Variants in CRACD observed in about 807,000 individuals in gnomAD.
The protein encoded by CRACD is capping protein-inhibiting regulator of actin dynamics.
A neutral mutation model predicts 106.8 loss-of-function variants in CRACD; 56 were observed. The observed-to-expected ratio is 0.52, with a 90% confidence interval of 0.42 to 0.66. The LOEUF is 0.66. CRACD is among the 30% of genes least tolerant of loss of function. CRACD has a pLI of 0.00. For synonymous variants in CRACD, 754 were observed against 670.8 expected, an observed-to-expected ratio of 1.12 and a Z score of -1.92; for missense variants, 1,730 against 1,623.2, an observed-to-expected ratio of 1.07 and a Z score of -1.13.
intron 4 of CRACD, 24 bp from the exon 5 acceptor site, chr4:56,307,511 T>A: frequency 6.2e-7 from 1 of 1,612,960 alleles, no homozygotes; most frequent in Non-Finnish European, 8.5e-7. Flanking sequence ...TGCTTCAGAA[T>A]GTCTTTCTTC....
At chr4:56,216,708 C>T (rs56681368) in intron 2 of CRACD, among the ~76,000 whole-genome samples, 49 of 152,184 alleles carry the variant, frequency 3.2e-4, no homozygotes, top group Middle Eastern at 6.8e-3. Flanking sequence ...AGGCCGGGCG[C>T]GGTGGCTCAC....
intron 1 of CRACD, among the ~76,000 whole-genome samples, chr4:56,119,954 A>G (rs769801621): frequency 1.3e-5 from 2 of 152,060 alleles, no homozygotes; most frequent in East Asian, 1.9e-4. Context: ...CCACCATCCC[A>G]TAGCTGACTC....
At chr4:56,240,294 G>A (rs577733400) in intron 2 of CRACD, among the ~76,000 whole-genome samples, 129 of 152,260 alleles carry the variant, frequency 8.5e-4, no homozygotes, top group Non-Finnish European at 1.4e-3. Context: ...TGGAGGTTAG[G>A]TAGGGGGATT....
intron 1 of CRACD, among the ~76,000 whole-genome samples, chr4:56,147,055 G>A (rs939668941): frequency 1.3e-5 from 2 of 152,106 alleles, no homozygotes; most frequent in Non-Finnish European, 2.9e-5. Context: ...TTGCCCATCC[G>A]GAGGTCCAAT....
intron 1 of CRACD, among the ~76,000 whole-genome samples, chr4:56,145,826 G>C (rs1735359495): frequency 6.6e-6 from 1 of 151,974 alleles, no homozygotes. Flanking sequence ...ATTTTGCCAT[G>C]TTGCCTAGGC....
intron 1 of CRACD, among the ~76,000 whole-genome samples, chr4:56,177,100 A>G (rs181861929): frequency 4.6e-4 from 70 of 152,320 alleles, no homozygotes; most frequent in Non-Finnish European, 8.2e-4. Context: ...ACTATGTTGA[A>G]TAAAAGTGGT....
rs527665539 is a variant in CRACD at position 56,261,358 on chromosome 4, C to CTTTTTTTTTTTTTTTTTTTTTTT, written c.-188-10961_-188-10960insTTTTTTTTTTTTTTTTTTTTTTT. On this transcript the variant is annotated intron_variant, in intron 2 of 10. Transcript: ENST00000682029. ...TCCGCCTCTGTTACTGCTTCTTCTT[C>CTTTTTTTTTTTTTTTTTTTTTTT]TTCTTTTTTTTTTTTTTGAGACAGA... 1.8e-5 allele frequency among the ~76,000 whole-genome samples: 2 copies of CTTTTTTTTTTTTTTTTTTTTTTT among 112,742 alleles called. 1 individual carries two copies. The allele number at this position is 112,742 out of a possible 152,430, so 74.0% of individuals were successfully genotyped here.
intron 1 of CRACD, among the ~76,000 whole-genome samples, chr4:56,065,409 C>T (rs1398402164): frequency 1.3e-5 from 2 of 152,144 alleles, no homozygotes; most frequent in African/African-American, 4.8e-5. Flanking sequence ...TATGATCACT[C>T]AGGGACTGTT....
At chr4:56,304,794 A>G (rs1744583483) in intron 4 of CRACD, among the ~76,000 whole-genome samples, 1 of 152,104 alleles carries the variant, frequency 6.6e-6, no homozygotes, top group African/African-American at 2.4e-5. Context: ...AAAAAATAAA[A>G]TTTAATTTAA....
At chr4:56,094,889 C>T (rs1733545579) in intron 1 of CRACD, among the ~76,000 whole-genome samples, 1 of 152,186 alleles carries the variant, frequency 6.6e-6, no homozygotes, top group Non-Finnish European at 1.5e-5. Flanking sequence ...CATCCATACA[C>T]TTACCACCTA....
rs1301101438 is a variant in CRACD, at chr4:56,323,411, T to C, written c.3222T>C (p.Asp1074=). ...TGCTTCAGAGCAGACACTCCTTAGA[T>C]GGCTCCAAACTTACAGAGAAAGTGG... ...KPMLQSRHSL[D]GSKLTEKVET... Residue 1074 remains aspartate, a synonymous_variant, in exon 9 of 11, where the codon GAT becomes GAC. Transcript: ENST00000682029. The C allele has an allele frequency of 1.2e-6, 2 of 1,610,856 alleles. No individual in the cohort carries two copies. Among genetic ancestry groups the C allele is most frequent in the African/African-American group, 2.7e-5 (2 of 74,594 alleles).
At chr4:56,241,179 G>C (rs987245467) in intron 2 of CRACD, among the ~76,000 whole-genome samples, 1 of 152,168 alleles carries the variant, frequency 6.6e-6, no homozygotes, top group South Asian at 2.1e-4. Flanking sequence ...ATTCAGTACA[G>C]GGCTTGTGTG....
intron 4 of CRACD, among the ~76,000 whole-genome samples, chr4:56,306,137 T>G (rs1406899596): frequency 1.3e-5 from 2 of 151,840 alleles, no homozygotes; most frequent in African/African-American, 2.4e-5. Flanking sequence ...AAGTGAGGGG[T>G]TTGGAGTAGG....
At chr4:56,259,223 C>A (rs28432678) in intron 2 of CRACD, among the ~76,000 whole-genome samples, 22,543 of 151,998 alleles carry the variant, frequency 0.15, 2,870 homozygotes, top group African/African-American at 0.35. Context: ...TGACTCACTT[C>A]ATCTACCGGA....
In CRACD at chr4:56,314,711, A is replaced by AGAG. The variant is rs778641457; in HGVS notation, c.1220_1222dup (p.Glu407dup). 4.5e-6 allele frequency: 7 copies of AGAG among 1,562,834 alleles called. No homozygotes were observed. The highest frequency in any genetic ancestry group is 4.3e-6 in the Non-Finnish European group (5 of 1,153,742). On this transcript the variant is annotated inframe_insertion, in exon 8 of 11. Coordinates refer to ENST00000682029, the MANE Select transcript of CRACD (RefSeq NM_001393381.1). The surrounding 1 kb of genome is among the most constrained non-coding windows in gnomAD (Gnocchi z 4.4). ...GCGCGGAGGAGGAGGATCTGGGGGA[A>AGAG]GAGGAGGAGGAGGGCCAGGCGCACC...
At chr4:56,276,979 G>A (rs998039335) in intron 3 of CRACD, among the ~76,000 whole-genome samples, 2 of 152,210 alleles carry the variant, frequency 1.3e-5, no homozygotes, top group African/African-American at 4.8e-5. Flanking sequence ...AGTCGGGAAA[G>A]GGTTCAGGAA....
intron 3 of CRACD, among the ~76,000 whole-genome samples, chr4:56,289,679 ACT>A (rs1201597109): frequency 1.6e-5 from 2 of 125,272 alleles, no homozygotes; most frequent in Non-Finnish European, 3.3e-5. Flanking sequence ...ACAGAATGAG[ACT>A]CTGTCTCAAA....
At chr4:56,145,178 AT>A (rs1442700302) in intron 1 of CRACD, among the ~76,000 whole-genome samples, 1 of 152,114 alleles carries the variant, frequency 6.6e-6, no homozygotes, top group Non-Finnish European at 1.5e-5. Context: ...GTTAAATCCC[AT>A]TTTTTATTCC....
intron 2 of CRACD, among the ~76,000 whole-genome samples, chr4:56,235,642 C>T (rs777119252): frequency 6.6e-6 from 1 of 152,104 alleles, no homozygotes; most frequent in Non-Finnish European, 1.5e-5. Flanking sequence ...ATGATCATGT[C>T]CAGATTAGTG....
Sources: gnomAD v4.1 joint callset for allele counts (sites outside exome capture counted in the v4.1 genomes callset) on GRCh38, gnomAD v4.1.1 for gene constraint, Gnocchi (gnomAD v3.1) non-coding constraint, MANE v1.5 for transcripts, NCBI Gene and HGNC (gene_info 2026-07-23, HGNC 2026-07-21) for gene names.